The following PAPPA2 variants were observed in gnomAD, a reference collection of about 807,000 sequenced individuals.
PAPPA2 encodes the protein pappalysin 2, also known as pappalysin-2.
In PAPPA2, 86 loss-of-function variants were observed where a neutral mutation model predicts 176.4. That is an observed-to-expected ratio of 0.49 (90% confidence interval 0.41 to 0.58). PAPPA2 has a LOEUF of 0.58. Ranked by LOEUF, PAPPA2 falls within the 20% of genes least tolerant of loss-of-function variation. The pLI is 0.00. For synonymous variants in PAPPA2, 809 were observed against 852.2 expected, an observed-to-expected ratio of 0.95 and a Z score of 0.88; for missense variants, 2,073 against 2,256.9, an observed-to-expected ratio of 0.92 and a Z score of 1.65.
intron 1 of PAPPA2, among the ~76,000 whole-genome samples, chr1:176,510,602 A>C (rs1243140119): frequency 6.6e-6 from 1 of 152,092 alleles, no homozygotes; most frequent in African/African-American, 2.4e-5. Flanking sequence ...ATGAATAAAT[A>C]AAAAATTTTA....
At chr1:176,725,436 T>C (rs1407955765) in intron 12 of PAPPA2, among the ~76,000 whole-genome samples, 1 of 152,200 alleles carries the variant, frequency 6.6e-6, no homozygotes, top group African/African-American at 2.4e-5. Context: ...ATGCCTCATA[T>C]GAACAATATA....
intron 1 of PAPPA2, among the ~76,000 whole-genome samples, chr1:176,480,711 TTCTC>T (rs991247364): frequency 2.0e-5 from 3 of 152,116 alleles, no homozygotes; most frequent in African/African-American, 7.2e-5. Context: ...AATATTTTCT[TTCTC>T]CAGCAGTAAT....
At chr1:176,528,677 C>T (rs1649627176) in intron 1 of PAPPA2, among the ~76,000 whole-genome samples, 3 of 152,210 alleles carry the variant, frequency 2.0e-5, no homozygotes, top group Admixed American at 2.0e-4. Flanking sequence ...TTTCCCTTCC[C>T]TCCAGTCCAA....
intron 1 of PAPPA2, among the ~76,000 whole-genome samples, chr1:176,506,966 C>T (rs1191448885): frequency 6.6e-6 from 1 of 152,042 alleles, no homozygotes; most frequent in African/African-American, 2.4e-5. Flanking sequence ...AGAGCTTCTG[C>T]ACAGCAAAAG....
chr1:176,798,497 A>G (rs559351078), intron 20 of PAPPA2, among the ~76,000 whole-genome samples: 2 of 152,336 alleles, frequency 1.3e-5, no homozygotes, highest in Non-Finnish European at 2.9e-5. Context: ...TTTACCTTTC[A>G]AAGAACAAAT....
chr1:176,495,398 G>A (rs1647548765), intron 1 of PAPPA2, among the ~76,000 whole-genome samples: 1 of 151,916 alleles, frequency 6.6e-6, no homozygotes, highest in Non-Finnish European at 1.5e-5. Flanking sequence ...AAATTAGCCG[G>A]ACATGGTGGC....
At chr1:176,545,415 A>AAAATAAATAAATAAAT (rs55993766) in intron 1 of PAPPA2, among the ~76,000 whole-genome samples, 42 of 146,284 alleles carry the variant, frequency 2.9e-4, no homozygotes, top group Non-Finnish European at 3.1e-4. Context: ...AACCTCAGAA[A>AAAATAAATAAATAAAT]AAATAAATAA....
At chr1:176,716,906 CG>C (rs1425685487) in intron 12 of PAPPA2, among the ~76,000 whole-genome samples, 6 of 152,092 alleles carry the variant, frequency 3.9e-5, no homozygotes, top group Non-Finnish European at 8.8e-5. Flanking sequence ...ACACTGCGCC[CG>C]GCCACAACAA....
intron 3 of PAPPA2, among the ~76,000 whole-genome samples, chr1:176,613,996 G>T (rs1655076412): frequency 6.6e-6 from 1 of 152,158 alleles, no homozygotes. Context: ...ATATGCCCAT[G>T]CTTCATTGCA....
At chr1:176,813,489 G>A (rs192529066) in intron 21 of PAPPA2, among the ~76,000 whole-genome samples, 97 of 152,204 alleles carry the variant, frequency 6.4e-4, no homozygotes, top group Non-Finnish European at 8.5e-4. Context: ...ATTCTCACTG[G>A]CATGAAATGA....
chr1:176,537,287 G>T (rs749105435), intron 1 of PAPPA2: 3 of 152,224 alleles, frequency 2.0e-5, no homozygotes, highest in African/African-American at 4.8e-5. Flanking sequence ...GACACCCACT[G>T]GTTGCTCCCC....
chr1:176,513,620 G>A (rs564615511), intron 1 of PAPPA2, among the ~76,000 whole-genome samples: 1 of 152,166 alleles, frequency 6.6e-6, no homozygotes, highest in South Asian at 2.1e-4. Context: ...GGTCCAGTTG[G>A]CCAATCTCTC....
chr1:176,689,798 G>A (rs1660018798), intron 4 of PAPPA2, among the ~76,000 whole-genome samples: 1 of 152,144 alleles, frequency 6.6e-6, no homozygotes, highest in Non-Finnish European at 1.5e-5. Flanking sequence ...CAATTCATCT[G>A]GGGTAGTATT....
At chr1:176,531,363 G>C (rs1649795322) in intron 1 of PAPPA2, among the ~76,000 whole-genome samples, 1 of 152,180 alleles carries the variant, frequency 6.6e-6, no homozygotes, top group African/African-American at 2.4e-5. Flanking sequence ...TGGGATCTGA[G>C]AAAAGGCTCT....
chr1:176,719,542 T>C (rs562811127), intron 12 of PAPPA2, among the ~76,000 whole-genome samples: 4 of 152,288 alleles, frequency 2.6e-5, no homozygotes. Context: ...CTCTGAGAGT[T>C]CCTTTAACGT....
At position 176,702,659 on chromosome 1, in the gene PAPPA2, G is replaced by A; in HGVS notation, c.3289G>A (p.Gly1097Arg). 1.9e-6 allele frequency: 3 copies of A among 1,614,030 alleles called. No homozygotes were observed. Among genetic ancestry groups the A allele is most frequent in the Non-Finnish European group, 2.5e-6 (3 of 1,179,998 alleles). ...YQYQVLAEAG[G>R]ELGEASPPLN... ...GTACCAAGTTCTAGCTGAAGCTGGA[G>A]GAGAACTGGGAGAAGCTTCGCCTCC... The change falls in exon 9 of 23, where the codon GGA (glycine) becomes AGA (arginine). Residue 1097 changes from glycine to arginine, a missense_variant. Transcript: ENST00000367662.
intron 1 of PAPPA2, among the ~76,000 whole-genome samples, chr1:176,513,191 CAT>C (rs1648720284): frequency 1.3e-5 from 2 of 152,072 alleles, no homozygotes; most frequent in African/African-American, 4.8e-5. Flanking sequence ...TCATCATCAT[CAT>C]CACCATCTAT....
At chr1:176,482,669 A>G (rs1415217923) in intron 1 of PAPPA2, among the ~76,000 whole-genome samples, 1 of 152,122 alleles carries the variant, frequency 6.6e-6, no homozygotes, top group African/African-American at 2.4e-5. Context: ...GGCAGACTCT[A>G]CCTTTTTGGT....
chr1:176,617,943 T>C (rs1655364591), intron 3 of PAPPA2, among the ~76,000 whole-genome samples: 1 of 152,124 alleles, frequency 6.6e-6, no homozygotes, highest in African/African-American at 2.4e-5. Context: ...TTGGTTGAAA[T>C]GACTTGTCTG....
Sources: gnomAD v4.1 joint callset for allele counts (sites outside exome capture counted in the v4.1 genomes callset) on GRCh38, gnomAD v4.1.1 for gene constraint, MANE v1.5 for transcripts, NCBI Gene and HGNC (gene_info 2026-07-23, HGNC 2026-07-21) for gene names.